The following HIVEP2 variants were observed in gnomAD, a reference collection of about 807,000 sequenced individuals.
HIVEP2 encodes the protein HIVEP zinc finger 2.
HIVEP2 carries 14 observed loss-of-function variants against 180.7 expected under a neutral mutation model. The observed-to-expected ratio is 0.08, with a 90% CI of 0.05 to 0.12. The LOEUF (loss-of-function observed/expected upper bound fraction) is 0.12. Ranked by LOEUF, HIVEP2 falls within the 10% of genes least tolerant of loss-of-function variation. The pLI is 1.00. For synonymous variants in HIVEP2, 1,184 were observed against 1,136.4 expected, an observed-to-expected ratio of 1.04 and a Z score of -0.84; for missense variants, 2,579 against 3,008.5, an observed-to-expected ratio of 0.86 and a Z score of 3.34.
intron 8 of HIVEP2, among the ~76,000 whole-genome samples, chr6:142,761,173 T>A (rs1301926278): frequency 6.6e-6 from 1 of 152,188 alleles, no homozygotes; most frequent in African/African-American, 2.4e-5. Flanking sequence ...CCTCATAAAA[T>A]CTAATTTGCT....
intron 9 of HIVEP2, among the ~76,000 whole-genome samples, chr6:142,758,354 C>T (rs1032123917): frequency 6.6e-6 from 1 of 152,022 alleles, no homozygotes; most frequent in South Asian, 2.1e-4. Context: ...CAGCAGCTTT[C>T]CTAAAGTGAA....
At chr6:142,883,982 C>A (rs907025599) in intron 1 of HIVEP2, among the ~76,000 whole-genome samples, 2 of 151,874 alleles carry the variant, frequency 1.3e-5, no homozygotes, top group Non-Finnish European at 2.9e-5. Context: ...TCCTTTAATC[C>A]CTTGAATTTT....
chr6:142,905,253 A>T (rs570396302), intron 1 of HIVEP2, among the ~76,000 whole-genome samples: 10 of 152,198 alleles, frequency 6.6e-5, no homozygotes, highest in Non-Finnish European at 1.2e-4. Flanking sequence ...TAAAATAATT[A>T]TAAGATCAAT....
chr6:142,905,903 G>A (rs546561102), intron 1 of HIVEP2, among the ~76,000 whole-genome samples: 303 of 152,198 alleles, frequency 2.0e-3, no homozygotes, highest in African/African-American at 6.8e-3. Context: ...AGGCCGAGGC[G>A]GGGGCGGACC....
At chr6:142,926,638 CCT>C (rs1562295014) in intron 1 of HIVEP2, among the ~76,000 whole-genome samples, 1 of 152,208 alleles carries the variant, frequency 6.6e-6, no homozygotes, top group Non-Finnish European at 1.5e-5. Context: ...GACTGGGCGT[CCT>C]CTGAGTCAGG....
Position 142,760,334 on chromosome 6 carries a change from G to A in HIVEP2, c.5954C>T (p.Thr1985Ile), listed in dbSNP as rs1775194398. Reference sequence around the variant, plus strand: ...GGTATCTTCACATGAATCACTGGGTGTCATAAGCTGAGTAACTCGAATACT... The same window carrying A: ...GGTATCTTCACATGAATCACTGGGTATCATAAGCTGAGTAACTCGAATACT... Reference protein sequence around the residue: ...LPSIRVTQLMTPSDSCEDTQM... With the variant: ...LPSIRVTQLMIPSDSCEDTQM... Residue 1985 changes from threonine (T) to isoleucine (I), a missense_variant, in exon 9 of 10, where the codon ACA (threonine) becomes ATA (isoleucine). Thr to Ile is a moderately conservative substitution (Grantham distance 89). Around this residue, in one of 11 missense-constraint regions of HIVEP2, gnomAD observed 660 missense variants for 731.7 expected, o/e 0.90. Transcript: ENST00000367603. The A allele has an allele frequency of 6.2e-7, 1 of 1,614,168 alleles. No individual in the cohort carries two copies.
intron 2 of HIVEP2, among the ~76,000 whole-genome samples, chr6:142,819,094 C>T (rs1776953778): frequency 6.6e-6 from 1 of 151,960 alleles, no homozygotes; most frequent in Non-Finnish European, 1.5e-5. Flanking sequence ...ATTAGCTGGG[C>T]ATGGTGGTGT....
intron 1 of HIVEP2, among the ~76,000 whole-genome samples, chr6:142,839,692 T>C (rs1178980126): frequency 6.6e-6 from 1 of 152,150 alleles, no homozygotes; most frequent in Non-Finnish European, 1.5e-5. Flanking sequence ...GAATTGATCA[T>C]ACTGTTGCAA....
chr6:142,799,872 C>T (rs1327476029), intron 2 of HIVEP2, among the ~76,000 whole-genome samples: 10 of 152,114 alleles, frequency 6.6e-5, no homozygotes, highest in Non-Finnish European at 2.9e-5. Context: ...AACCCAGCAT[C>T]GCTGATTAGT....
chr6:142,834,991 G>C (rs1255192171), intron 2 of HIVEP2, among the ~76,000 whole-genome samples: 3 of 151,998 alleles, frequency 2.0e-5, no homozygotes, highest in African/African-American at 7.2e-5. Context: ...TGATTTAATT[G>C]AGAAAATATA....
chr6:142,810,761 C>CAAAAAA (rs60893476), intron 2 of HIVEP2, among the ~76,000 whole-genome samples: 7 of 100,740 alleles, frequency 6.9e-5, no homozygotes, highest in South Asian at 3.2e-4. Context: ...GACTCTGTCT[C>CAAAAAA]AAAAAAAAAA....
chr6:142,797,601 C>T (rs1036830659), intron 2 of HIVEP2, among the ~76,000 whole-genome samples: 1 of 152,100 alleles, frequency 6.6e-6, no homozygotes, highest in Non-Finnish European at 1.5e-5. Flanking sequence ...TTGCTTTCTG[C>T]AGTTTCAGTT....
chr6:142,846,535 T>G (rs1437734090), intron 1 of HIVEP2, among the ~76,000 whole-genome samples: 5 of 152,200 alleles, frequency 3.3e-5, no homozygotes, highest in Non-Finnish European at 5.9e-5. Flanking sequence ...TCAATTCTGT[T>G]TAATTAGAGT....
intron 3 of HIVEP2, among the ~76,000 whole-genome samples, chr6:142,779,965 C>T (rs1047308005): frequency 1.3e-5 from 2 of 151,968 alleles, no homozygotes; most frequent in Non-Finnish European, 2.9e-5. Flanking sequence ...CATGTCTAGA[C>T]CATTAAGTTA....
At chr6:142,799,573 A>C (rs1776357708) in intron 2 of HIVEP2, among the ~76,000 whole-genome samples, 1 of 152,100 alleles carries the variant, frequency 6.6e-6, no homozygotes, top group African/African-American at 2.4e-5. Context: ...AAAATTAGTA[A>C]ATTTCTGGTC....
chr6:142,918,347 T>C (rs1487564311), intron 1 of HIVEP2, among the ~76,000 whole-genome samples: 1 of 152,186 alleles, frequency 6.6e-6, no homozygotes, highest in Admixed American at 6.5e-5. Context: ...CTCACAGCCC[T>C]ATTTATTTTT....
chr6:142,939,526 G>A (rs1233173037), intron 1 of HIVEP2, among the ~76,000 whole-genome samples: 1 of 152,086 alleles, frequency 6.6e-6, no homozygotes, highest in African/African-American at 2.4e-5. Context: ...TCCCATCCCA[G>A]GTCAGAGTAT....
At chr6:142,899,133 T>G (rs886544252) in intron 1 of HIVEP2, among the ~76,000 whole-genome samples, 6 of 152,188 alleles carry the variant, frequency 3.9e-5, no homozygotes, top group Non-Finnish European at 8.8e-5. Flanking sequence ...CCTTCCTTTG[T>G]GACTCTACTC....
At chr6:142,894,177 T>C (rs1776928687) in intron 1 of HIVEP2, among the ~76,000 whole-genome samples, 1 of 152,208 alleles carries the variant, frequency 6.6e-6, no homozygotes, top group Non-Finnish European at 1.5e-5. Context: ...GTTCCATCCA[T>C]TGTATTAAGT....
Sources: gnomAD v4.1 joint callset for allele counts (sites outside exome capture counted in the v4.1 genomes callset) on GRCh38, gnomAD v4.1.1 for gene constraint, gnomAD v4.1.1 regional missense constraint, MANE v1.5 for transcripts, NCBI Gene and HGNC (gene_info 2026-07-23, HGNC 2026-07-21) for gene names.